Variants in PPP1R13B observed in about 807,000 individuals in gnomAD.
PPP1R13B encodes the protein protein phosphatase 1 regulatory subunit 13B, also known as apoptosis-stimulating of p53 protein 1.
Under a neutral mutation model 119.8 loss-of-function variants are expected in PPP1R13B, and 44 were observed. The ratio of observed to expected loss-of-function variants is 0.37; its 90% CI spans 0.29 to 0.47. PPP1R13B has a LOEUF of 0.47. PPP1R13B is among the 20% of genes least tolerant of loss of function. PPP1R13B has a pLI of 0.99. For missense variants in PPP1R13B, 1,227 were observed against 1,413.5 expected (o/e 0.87, Z 2.12); for synonymous variants, 542 against 561.5 (o/e 0.97, Z 0.49).
At chr14:103,749,979 A>C in intron 7 of PPP1R13B, 45 bp from the exon 8 acceptor site, 1 of 1,590,414 alleles carries the variant, frequency 6.3e-7, no homozygotes, top group Non-Finnish European at 8.6e-7. Flanking sequence ...GTTAATTAAA[A>C]GTCAAATTCT....
chr14:103,795,847 T>C (rs946129805), intron 2 of PPP1R13B, among the ~76,000 whole-genome samples: 1 of 152,236 alleles, frequency 6.6e-6, no homozygotes, highest in Admixed American at 6.5e-5. Context: ...TCTCTCCATG[T>C]ATCCTTAAAA....
chr14:103,746,792 A>C (rs545060216), intron 8 of PPP1R13B: 3 of 337,422 alleles, frequency 8.9e-6, no homozygotes, highest in Non-Finnish European at 1.6e-5. Context: ...TGAGGAGCTG[A>C]TGTGAGGGCA....
chr14:103,792,631 G>A (rs562324285), intron 2 of PPP1R13B, among the ~76,000 whole-genome samples: 2 of 152,016 alleles, frequency 1.3e-5, no homozygotes, highest in Non-Finnish European at 2.9e-5. Context: ...GGATTGTCTG[G>A]GCACTGTGCA....
At chr14:103,759,403 T>C (rs1008647703) in intron 4 of PPP1R13B, 7 of 150,564 alleles carry the variant, frequency 4.6e-5, no homozygotes, top group African/African-American at 1.7e-4. Context: ...AGTGGTGCAA[T>C]CACTGCAGCC....
intron 1 of PPP1R13B, chr14:103,803,904 C>G (rs1480800775): frequency 9.7e-6 from 3 of 308,902 alleles, no homozygotes; most frequent in Non-Finnish European, 1.4e-5. Flanking sequence ...CAATGTCTGC[C>G]CATCTTGACC....
intron 5 of PPP1R13B, among the ~76,000 whole-genome samples, chr14:103,755,144 C>T (rs1245497550): frequency 6.6e-6 from 1 of 151,960 alleles, no homozygotes; most frequent in African/African-American, 2.4e-5. Flanking sequence ...GAAAACCTTC[C>T]AGCAGGAGAA....
At chr14:103,793,309 T>C (rs898068061) in intron 2 of PPP1R13B, among the ~76,000 whole-genome samples, 3 of 152,140 alleles carry the variant, frequency 2.0e-5, no homozygotes, top group South Asian at 2.1e-4. Flanking sequence ...TCCCCACATG[T>C]CAAGGGAGAG....
Position 103,746,436 on chromosome 14 carries a change from C to T in PPP1R13B, c.1087G>A (p.Asp363Asn). ...CTGAGAGACTGGGGCTTTATAGGGT[C>T]CCCCAGCACAGGAAAGCTTCCGGCA... ...PSAGSFPVLG[D>N]PIKPQSLSIA... Residue 363 changes from aspartate to asparagine, a missense_variant, in exon 9 of 17, where the codon GAC becomes AAC. By Grantham distance (23) the Asp-to-Asn change is conservative. Transcript: ENST00000202556. 6.2e-7 allele frequency: 1 copy of T among 1,613,954 alleles called. No homozygotes were observed. Among genetic ancestry groups the T allele is most frequent in the Non-Finnish European group, 8.5e-7 (1 of 1,179,928 alleles).
intron 5 of PPP1R13B, among the ~76,000 whole-genome samples, chr14:103,757,126 G>A (rs908698643): frequency 6.6e-6 from 1 of 150,566 alleles, no homozygotes; most frequent in African/African-American, 2.4e-5. Context: ...GCAGTGGCAT[G>A]ATCTTGGCTC....
Position 103,740,059 on chromosome 14 carries a change from G to A in PPP1R13B, c.2357C>T (p.Ala786Val). The change falls in exon 12 of 17, where the codon GCC becomes GTC. Residue 786 changes from alanine to valine, a missense_variant. Transcript: ENST00000202556. The surrounding 1 kb of genome is among the most constrained non-coding windows in gnomAD (Gnocchi z 4.6). ...QPTAPLPAEP[A>V]PSSDANDNEL... ...ATTATCATTGGCATCTGATGACGGG[G>A]CAGGCTCAGCGGGGAGTGGGGCTGT... 1 of 1,614,008 alleles carries A rather than the reference G, an allele frequency of 6.2e-7. No homozygotes were observed. The highest frequency in any genetic ancestry group is 1.1e-5 in the South Asian group (1 of 91,078).
At chr14:103,766,872 T>G (rs2084951513) in intron 4 of PPP1R13B, among the ~76,000 whole-genome samples, 1 of 152,180 alleles carries the variant, frequency 6.6e-6, no homozygotes, top group Admixed American at 6.5e-5. Context: ...TGATCAAACA[T>G]CAACAATTTC....
Position 103,753,993 on chromosome 14 carries a change from T to C in PPP1R13B, c.631+77A>G, listed in dbSNP as rs1355164413. The stretch of plus-strand genomic sequence containing the variant: ...TAGTCCTGTGAATTTGTGACTGAAT[T>C]GTCAGGCAGTTAGACTATGTTTCAC... On this transcript the variant is annotated intron_variant, in intron 6 of 16. Coordinates refer to ENST00000202556, the MANE Select transcript of PPP1R13B (RefSeq NM_015316.3). 3 of 1,496,336 alleles carry C rather than the reference T, an allele frequency of 2.0e-6. No homozygotes were observed. In the African/African-American group the frequency reaches 4.2e-5, roughly 21 times the overall value. 92.7% of individuals were successfully genotyped at this position (1,496,336 alleles called of 1,614,324 possible).
At chr14:103,771,126 A>C (rs1335373406) in intron 4 of PPP1R13B, among the ~76,000 whole-genome samples, 1 of 152,172 alleles carries the variant, frequency 6.6e-6, no homozygotes, top group Non-Finnish European at 1.5e-5. Flanking sequence ...GTGGAAGGAG[A>C]GACGGCCCCC....
intron 2 of PPP1R13B, among the ~76,000 whole-genome samples, chr14:103,787,479 T>G (rs1215802514): frequency 6.7e-6 from 1 of 149,146 alleles, no homozygotes; most frequent in Non-Finnish European, 1.5e-5. Context: ...TCATATCAGC[T>G]CACGTGCTCT....
intron 1 of PPP1R13B, among the ~76,000 whole-genome samples, chr14:103,825,029 C>T (rs2086504325): frequency 6.6e-6 from 1 of 152,168 alleles, no homozygotes; most frequent in Non-Finnish European, 1.5e-5. Context: ...CATGTGCTCA[C>T]CCATGTGTCA....
At chr14:103,834,203 C>T (rs1183383649) in intron 1 of PPP1R13B, among the ~76,000 whole-genome samples, 5 of 152,082 alleles carry the variant, frequency 3.3e-5, no homozygotes, top group African/African-American at 4.8e-5. Flanking sequence ...GGCGAAACCC[C>T]GTCTTTACTA....
chr14:103,840,831 T>C (rs556418619), intron 1 of PPP1R13B, among the ~76,000 whole-genome samples: 1 of 151,960 alleles, frequency 6.6e-6, no homozygotes, highest in East Asian at 1.9e-4. Flanking sequence ...AACATTATTG[T>C]GTATTTTGAA....
intron 1 of PPP1R13B, among the ~76,000 whole-genome samples, chr14:103,816,348 G>A (rs2086279947): frequency 6.6e-6 from 1 of 150,422 alleles, no homozygotes; most frequent in Non-Finnish European, 1.5e-5. Context: ...AGTAGAGACG[G>A]GGTTTCACCA....
At chr14:103,749,364 G>A (rs2084479282) in intron 8 of PPP1R13B, among the ~76,000 whole-genome samples, 1 of 152,150 alleles carries the variant, frequency 6.6e-6, no homozygotes, top group Admixed American at 6.5e-5. Context: ...TTATTTATAA[G>A]AATCCTTACA....
Sources: gnomAD v4.1 joint callset for allele counts (sites outside exome capture counted in the v4.1 genomes callset) on GRCh38, gnomAD v4.1.1 for gene constraint, Gnocchi (gnomAD v3.1) non-coding constraint, MANE v1.5 for transcripts, NCBI Gene and HGNC (gene_info 2026-07-23, HGNC 2026-07-21) for gene names.